The following PLEKHG1 variants were observed in gnomAD, a reference collection of about 807,000 sequenced individuals.
PLEKHG1 encodes the protein pleckstrin homology and RhoGEF domain containing G1, also known as pleckstrin homology domain-containing family G member 1.
Under a neutral mutation model 100.8 loss-of-function variants are expected in PLEKHG1, and 44 were observed. The ratio of observed to expected loss-of-function variants is 0.44; its 90% confidence interval spans 0.34 to 0.56. The LOEUF is 0.56. Ranked by LOEUF, PLEKHG1 falls within the 20% of genes least tolerant of loss-of-function variation. The probability of loss-of-function intolerance (pLI) is 0.01; values close to 1 mark genes in which losing one functional copy is unlikely to be tolerated. For synonymous variants in PLEKHG1, 640 were observed against 662.5 expected (o/e 0.97, Z 0.52); for missense variants, 1,545 against 1,720.9 (o/e 0.90, Z 1.81).
At chr6:150,638,051 C>G (rs1315471349) in intron 1 of PLEKHG1, 1 of 152,090 alleles carries the variant, frequency 6.6e-6, no homozygotes, top group Non-Finnish European at 1.5e-5. Context: ...AAAATCTGAG[C>G]GCTTTCTCAT....
intron 3 of PLEKHG1, among the ~76,000 whole-genome samples, chr6:150,698,072 C>T (rs1314247698): frequency 1.3e-5 from 2 of 152,006 alleles, no homozygotes; most frequent in Non-Finnish European, 2.9e-5. Context: ...TTTTGGGTTT[C>T]AGATTTTTTT....
chr6:150,684,790 C>T (rs938049633), intron 3 of PLEKHG1, among the ~76,000 whole-genome samples: 1 of 151,594 alleles, frequency 6.6e-6, no homozygotes, highest in Non-Finnish European at 1.5e-5. Flanking sequence ...TACAATAAGA[C>T]AGGTTTGGGA....
intron 3 of PLEKHG1, among the ~76,000 whole-genome samples, chr6:150,693,261 C>G (rs1489834612): frequency 6.6e-6 from 1 of 152,140 alleles, no homozygotes; most frequent in Admixed American, 6.5e-5. Flanking sequence ...GCACTCCAGC[C>G]TGGGTGACAG....
intron 4 of PLEKHG1, among the ~76,000 whole-genome samples, chr6:150,790,927 G>A (rs1181040622): frequency 6.6e-6 from 1 of 152,210 alleles, no homozygotes; most frequent in African/African-American, 2.4e-5. Flanking sequence ...GGAGGCTGAG[G>A]CGGGAGAATC....
chr6:150,786,337 A>G, intron 3 of PLEKHG1, 53 bp from the exon 5 acceptor site: 3 of 1,117,466 alleles, frequency 2.7e-6, no homozygotes, highest in South Asian at 2.6e-5. Context: ...TACAAAATGT[A>G]CTCACCCAGA....
chr6:150,800,834 G>A, exon 6 of PLEKHG1: 1 of 1,614,074 alleles, frequency 6.2e-7, no homozygotes, highest in Non-Finnish European at 8.5e-7. Flanking sequence ...CTTGAAACCA[G>A]TTCAGCGGAT....
intron 1 of PLEKHG1, among the ~76,000 whole-genome samples, chr6:150,606,719 G>C (rs1776615766): frequency 6.6e-6 from 1 of 152,040 alleles, no homozygotes; most frequent in Admixed American, 6.6e-5. Flanking sequence ...TGGAAGTCTT[G>C]ACAAAACTTG....
intron 14 of PLEKHG1, among the ~76,000 whole-genome samples, chr6:150,826,333 C>CA (rs1776606438): frequency 6.6e-6 from 1 of 151,848 alleles, no homozygotes; most frequent in African/African-American, 2.4e-5. Flanking sequence ...CGGCATGCAC[C>CA]TGTAGTCCCA....
intron 3 of PLEKHG1, among the ~76,000 whole-genome samples, chr6:150,668,283 A>T (rs531818872): frequency 5.1e-4 from 77 of 152,344 alleles, no homozygotes; most frequent in Middle Eastern, 6.8e-3. Flanking sequence ...CTAGAACACC[A>T]TCTAAACAAA....
intron 3 of PLEKHG1, among the ~76,000 whole-genome samples, chr6:150,775,777 G>A (rs1463299537): frequency 1.3e-5 from 2 of 152,138 alleles, no homozygotes; most frequent in East Asian, 1.9e-4. Context: ...AGGTGGAATC[G>A]TTTTCTTTTT....
chr6:150,685,321 C>T (rs994453353), intron 3 of PLEKHG1, among the ~76,000 whole-genome samples: 1 of 152,108 alleles, frequency 6.6e-6, no homozygotes, highest in Non-Finnish European at 1.5e-5. Context: ...GCCTCTTTGC[C>T]CTTTTCCCTA....
chr6:150,625,274 C>G (rs1355520840), intron 1 of PLEKHG1, among the ~76,000 whole-genome samples: 1 of 152,138 alleles, frequency 6.6e-6, no homozygotes, highest in African/African-American at 2.4e-5. Flanking sequence ...TCTCACAGTT[C>G]TGGAGGCTGG....
At chr6:150,715,471 C>G (rs1691136176) in intron 3 of PLEKHG1, among the ~76,000 whole-genome samples, 1 of 148,762 alleles carries the variant, frequency 6.7e-6, no homozygotes, top group African/African-American at 2.5e-5. Flanking sequence ...TAACGTTCAT[C>G]ACTATTTTTT....
At chr6:150,769,096 G>A (rs1038582304) in intron 3 of PLEKHG1, among the ~76,000 whole-genome samples, 1 of 152,048 alleles carries the variant, frequency 6.6e-6, no homozygotes, top group East Asian at 1.9e-4. Context: ...TCTTCTACCT[G>A]GGGAGTGGGC....
intron 3 of PLEKHG1, among the ~76,000 whole-genome samples, chr6:150,707,991 C>T (rs1781094000): frequency 6.6e-6 from 1 of 152,186 alleles, no homozygotes; most frequent in South Asian, 2.1e-4. Context: ...CCCGGATATT[C>T]AGCATTCCCA....
chr6:150,668,182 G>A lies in PLEKHG1; in HGVS notation c.-99+17396G>A, dbSNP rs187141513. On this transcript the variant is annotated intron_variant, in intron 3 of 3. Coordinates refer to the PLEKHG1 transcript ENST00000367326. ...AAGTGAGAAACTCACTGTTGCTTGT[G>A]CTTGCCAAAAGCAGACATAAAGCAT... is the stretch of plus-strand genomic sequence containing the variant. 3.1e-3 allele frequency among the ~76,000 whole-genome samples: 471 copies of A among 152,276 alleles called. 5 individuals are homozygous for A. The highest frequency in any genetic ancestry group is 0.011 in the African/African-American group (441 of 41,548).
chr6:150,647,767 C>T (rs918291635), intron 2 of PLEKHG1, among the ~76,000 whole-genome samples: 1 of 152,048 alleles, frequency 6.6e-6, no homozygotes, highest in Non-Finnish European at 1.5e-5. Context: ...GGATGTTGTA[C>T]TTAAGGCCAG....
intron 3 of PLEKHG1, among the ~76,000 whole-genome samples, chr6:150,654,710 C>A (rs1397824639): frequency 6.6e-6 from 1 of 152,242 alleles, no homozygotes; most frequent in Non-Finnish European, 1.5e-5. Flanking sequence ...GCTACTGTGT[C>A]CCAGGGCCTT....
intron 11 of PLEKHG1, among the ~76,000 whole-genome samples, chr6:150,819,417 TAGTC>T (rs1447282187): frequency 4.6e-5 from 7 of 151,216 alleles, no homozygotes; most frequent in Admixed American, 3.3e-4. Flanking sequence ...ATACAAAAAT[TAGTC>T]AGGCATGGTG....
Sources: allele counts gnomAD v4.1 joint callset (sites outside exome capture counted in the v4.1 genomes callset), GRCh38; gene constraint gnomAD v4.1.1; transcripts MANE v1.5; gene names NCBI Gene and HGNC (gene_info 2026-07-23, HGNC 2026-07-21).